Variants in GPC2 observed in about 807,000 individuals in gnomAD.
GPC2 encodes glypican 2.
In GPC2, 42 loss-of-function variants were observed where a neutral mutation model predicts 57.3. That is an observed-to-expected ratio of 0.73 (90% confidence interval 0.57 to 0.95). GPC2 has a LOEUF of 0.95. Among genes scored for constraint, GPC2 ranks in the 40% least tolerant of loss-of-function variants. The probability of loss-of-function intolerance (pLI) is 0.00; values close to 1 mark genes in which losing one functional copy is unlikely to be tolerated. For missense variants in GPC2, 745 were observed against 793.6 expected, an observed-to-expected ratio of 0.94 and a Z score of 0.74; for synonymous variants, 364 against 343.4, an observed-to-expected ratio of 1.06 and a Z score of -0.66.
Position 100,177,219 on chromosome 7 carries a change from C to G in GPC2, c.-20G>C. 1 of 1,603,768 alleles carries G rather than the reference C, an allele frequency of 6.2e-7. No homozygotes were observed. Among genetic ancestry groups the G allele is most frequent in the African/African-American group, 1.3e-5 (1 of 74,890 alleles). On this transcript the variant is annotated 5_prime_UTR_variant, in exon 1 of 10. Coordinates refer to ENST00000292377, the MANE Select transcript of GPC2 (RefSeq NM_152742.3). ...GGACATAACTGCAGCCACCCCAGGA[C>G]GGCAAAGTGGGTCCTAAGGAGGAAA...
chr7:100,173,306 C>T (rs1327461094), intron 5 of GPC2, among the ~76,000 whole-genome samples: 10 of 152,140 alleles, frequency 6.6e-5, no homozygotes, highest in Non-Finnish European at 1.0e-4. Context: ...CTTACTCTCT[C>T]GCCCAGGTTG....
rs1436815778 is a variant in GPC2, at chr7:100,170,307, C to T, written c.1663G>A (p.Gly555Arg). ...TGGGTGTGAAAACCAATAGATGCCC[C>T]CCCACTCCTGCTCCGGCCCTGGTTG... ...RYNQGRSRSG[G>R]ASIGFHTQTI... Residue 555 changes from glycine (G) to arginine (R), a missense_variant, in exon 10 of 10, where the codon GGG becomes AGG. By Grantham distance (125) the Gly-to-Arg change is moderately radical. Transcript: ENST00000292377. The T allele has an allele frequency of 6.2e-7, 1 of 1,608,930 alleles. No individual in the cohort carries two copies. The highest frequency in any genetic ancestry group is 8.5e-7 in the Non-Finnish European group (1 of 1,177,836).
At position 100,171,710 on chromosome 7, in the gene GPC2, G is replaced by A. The variant is rs1358041746; in HGVS notation, c.1171-32C>T. On this transcript the variant is annotated intron_variant, in intron 7 of 9. Coordinates refer to ENST00000292377, the MANE Select transcript of GPC2 (RefSeq NM_152742.3). This position sits in a 1 kb window ranked among gnomAD's most constrained non-coding sequence, Gnocchi z 4.8. ...GGGCGAGAGGGGGCGGGGCGAGCTG[G>A]AGCGCGACCCCCACAACCATCCCCG... 6.8e-7 allele frequency: 1 copy of A among 1,478,738 alleles called. No individual in the cohort carries two copies. The highest frequency in any genetic ancestry group is 2.7e-5 in the East Asian group (1 of 36,896). 91.6% of individuals were successfully genotyped at this position (1,478,738 alleles called of 1,614,324 possible).
At chr7:100,174,278 G>A (rs1799232785) in intron 4 of GPC2, 2 of 519,434 alleles carry the variant, frequency 3.9e-6, no homozygotes, top group Non-Finnish European at 6.9e-6. Flanking sequence ...AGGCGGTCAG[G>A]AGGCAGAAGG....
chr7:100,172,697 ACG>A (rs1799201203), intron 5 of GPC2, among the ~76,000 whole-genome samples: 2 of 141,872 alleles, frequency 1.4e-5, no homozygotes, highest in East Asian at 2.0e-4. Context: ...ATATATATAT[ACG>A]TGTATATATA....
intron 9 of GPC2, among the ~76,000 whole-genome samples, chr7:100,170,765 G>GA (rs1374195217): frequency 1.3e-5 from 2 of 151,414 alleles, no homozygotes; most frequent in Admixed American, 6.6e-5. Flanking sequence ...AGGATAACAG[G>GA]AAAAAACAGA....
rs754042276 is a variant in GPC2 at position 100,175,774 on chromosome 7, C to G, written c.446G>C (p.Arg149Pro). Residue 149 changes from arginine (R) to proline (P), a missense_variant, in exon 3 of 10, where the codon CGA (arginine) becomes CCA (proline). Physicochemically the swap from Arg to Pro is moderately radical, Grantham distance 103. Coordinates refer to ENST00000292377, the MANE Select transcript of GPC2 (RefSeq NM_152742.3). Reference protein sequence around the residue: ...LIFNGLFSRLRDFYGESGEGL... With the variant: ...LIFNGLFSRLPDFYGESGEGL... ...CTCACCAGATTCCCCATAGAAGTCT[C>G]GCAGCCGAGAGAACAGGCCATTGAA... 1.2e-6 allele frequency: 2 copies of G among 1,613,962 alleles called. No homozygotes were observed. The highest frequency in any genetic ancestry group is 8.5e-7 in the Non-Finnish European group (1 of 1,180,028).
At position 100,177,324 on chromosome 7, in the gene GPC2, A is replaced by C; in HGVS notation, c.-125T>G. 1.3e-6 allele frequency: 1 copy of C among 787,246 alleles called. No homozygotes were observed. Among genetic ancestry groups the C allele is most frequent in the Non-Finnish European group, 1.9e-6 (1 of 517,166 alleles). 48.8% of individuals were successfully genotyped at this position (787,246 alleles called of 1,614,324 possible). A position where few individuals can be genotyped will look rare whatever the true frequency, so the allele number is the denominator to read the frequency against. On this transcript the variant is annotated 5_prime_UTR_variant, in exon 1 of 10. Transcript: ENST00000292377. ...GCCAGAGAAAGAGCGCTGCTCCGGA[A>C]AACTGAATACCGAGCACGATAGCTG...
intron 5 of GPC2, chr7:100,173,587 T>G: frequency 2.8e-5 from 7 of 250,186 alleles, no homozygotes; most frequent in African/African-American, 6.9e-5. Context: ...GCTGATTTCT[T>G]TCTTTTCTTT....
chr7:100,171,601 A>G lies in GPC2; in HGVS notation c.1248T>C (p.Ser416=). 3 of 1,526,232 alleles carry G rather than the reference A, an allele frequency of 2.0e-6. No homozygotes were observed. In the East Asian group the frequency reaches 8.0e-5, roughly 41 times the overall value. 94.5% of individuals were successfully genotyped at this position (1,526,232 alleles called of 1,614,324 possible). Residue 416 remains serine, a synonymous_variant, in exon 8 of 10, where the codon TCT becomes TCC. Coordinates refer to ENST00000292377, the MANE Select transcript of GPC2 (RefSeq NM_152742.3). The surrounding 1 kb of genome is among the most constrained non-coding windows in gnomAD (Gnocchi z 4.8). Reference sequence around the variant, plus strand: ...CCAGCGAGGCGTCCGCTGCCATGCGAGAGTCTCCGCACACCGTCAGGGACA... The same window carrying G: ...CCAGCGAGGCGTCCGCTGCCATGCGGGAGTCTCCGCACACCGTCAGGGACA... The part of the protein sequence containing the change: ...ARLSLTVCGD[S]RMAADASLEA...
chr7:100,174,208 G>C (rs1799231244), intron 4 of GPC2: 1 of 526,426 alleles, frequency 1.9e-6, no homozygotes, highest in South Asian at 2.7e-5. Flanking sequence ...TAGAGAGGCA[G>C]TTAGGGGTGG....
At position 100,171,449 on chromosome 7, in the gene GPC2, C is replaced by A. The variant is rs1227341843; in HGVS notation, c.1311-13G>T. ...TGGCGGCAAGTACCTGCGAGCAGAGCAGCCCCGAAGCGCCAGCTAGCGCGC... is the reference window on the plus strand; with the variant it reads ...TGGCGGCAAGTACCTGCGAGCAGAGAAGCCCCGAAGCGCCAGCTAGCGCGC... On this transcript the variant is annotated splice_polypyrimidine_tract_variant and intron_variant, in intron 8 of 9. Coordinates refer to ENST00000292377, the MANE Select transcript of GPC2 (RefSeq NM_152742.3). This position sits in a 1 kb window ranked among gnomAD's most constrained non-coding sequence, Gnocchi z 4.8. 1.4e-6 allele frequency: 2 copies of A among 1,397,032 alleles called. No homozygotes were observed. The highest frequency in any genetic ancestry group is 6.1e-5 in the East Asian group (2 of 32,848). The allele number at this position is 1,397,032 out of a possible 1,614,324, so 86.5% of individuals were successfully genotyped here.
chr7:100,172,753 A>ATATATGTGTGTATG, intron 5 of GPC2, among the ~76,000 whole-genome samples: 1 of 147,612 alleles, frequency 6.8e-6, no homozygotes, highest in Non-Finnish European at 1.5e-5. Context: ...ATGTGTGTAT[A>ATATATGTGTGTATG]TATATGTGTG....
In GPC2 at chr7:100,170,213, A is replaced by AGCACCAGAAGGGGGGGGG; in HGVS notation, c.*16_*17insCCCCCCCCCTTCTGGTGC. The AGCACCAGAAGGGGGGGGG allele has an allele frequency of 2.0e-6, 3 of 1,538,220 alleles. No homozygotes were observed. The highest frequency in any genetic ancestry group is 2.6e-6 in the Non-Finnish European group (3 of 1,139,536). On this transcript the variant is annotated 3_prime_UTR_variant, in exon 10 of 10. Transcript: ENST00000292377. ...AAGGGCCATGAACCCTTCTGATGCT[A>AGCACCAGAAGGGGGGGGG]GGGCACCCCTCCCCCGTTATCGAGG...
At chr7:100,170,737 A>G (rs1324893672) in intron 9 of GPC2, among the ~76,000 whole-genome samples, 3 of 151,994 alleles carry the variant, frequency 2.0e-5, no homozygotes, top group African/African-American at 7.3e-5. Flanking sequence ...AAAAAACAAA[A>G]CAGGCAGATG....
Position 100,171,803 on chromosome 7 carries a change from G to A in GPC2, c.1146C>T (p.Ala382=), listed in dbSNP as rs749400209. The change falls in exon 7 of 10, where the codon GCC becomes GCT. Residue 382 remains alanine, a synonymous_variant. Transcript: ENST00000292377. This position sits in a 1 kb window ranked among gnomAD's most constrained non-coding sequence, Gnocchi z 4.8. ...CCAGCCGGTGCAGGTTGGTGCCTGC[G>A]GCCGTCGTGGGCCGCTCCTCCTCGG... is the stretch of plus-strand genomic sequence containing the variant. The part of the protein sequence containing the change: ...MVTEEERPTT[A]AGTNLHRLVW... The A allele has an allele frequency of 1.3e-6, 2 of 1,568,826 alleles. No individual in the cohort carries two copies. The highest frequency in any genetic ancestry group is 3.5e-5 in the Admixed American group (2 of 56,394).
chr7:100,171,470 C>T lies in GPC2; in HGVS notation c.1311-34G>A, dbSNP rs963989646. On this transcript the variant is annotated intron_variant, in intron 8 of 9. Transcript: ENST00000292377. The surrounding 1 kb of genome is among the most constrained non-coding windows in gnomAD (Gnocchi z 4.8). ...AGAGCAGCCCCGAAGCGCCAGCTAG[C>T]GCGCGCGGCCCCGCCCCTCCCGGCC... is the stretch of plus-strand genomic sequence containing the variant. 2.2e-6 allele frequency: 3 copies of T among 1,352,606 alleles called. No homozygotes were observed. The highest frequency in any genetic ancestry group is 3.1e-5 in the African/African-American group (2 of 65,008). The allele number at this position is 1,352,606 out of a possible 1,614,324, so 83.8% of individuals were successfully genotyped here.
Position 100,177,095 on chromosome 7 carries a change from G to C in GPC2, c.105C>G (p.Thr35=). The part of the protein sequence containing the change: ...EAKVTRSCAE[T]RQVLGARGYS... ...ATCCCCGGGCCCCCAGCACCTGCCG[G>C]GTCTCTGCACAACTCCGGGTGACCT... Residue 35 remains threonine, a synonymous_variant, in exon 1 of 10, where the codon ACC becomes ACG. Coordinates refer to ENST00000292377, the MANE Select transcript of GPC2 (RefSeq NM_152742.3). The C allele has an allele frequency of 6.2e-7, 1 of 1,613,006 alleles. No homozygotes were observed. Among genetic ancestry groups the C allele is most frequent in the South Asian group, 1.1e-5 (1 of 90,870 alleles).
chr7:100,174,268 A>G, intron 4 of GPC2: 1 of 516,422 alleles, frequency 1.9e-6, no homozygotes, highest in Non-Finnish European at 3.5e-6. Flanking sequence ...GGGAGGGAGG[A>G]GGCGGTCAGG....
Sources: gnomAD v4.1 joint callset for allele counts (sites outside exome capture counted in the v4.1 genomes callset) on GRCh38, gnomAD v4.1.1 for gene constraint, Gnocchi (gnomAD v3.1) non-coding constraint, MANE v1.5 for transcripts, NCBI Gene and HGNC (gene_info 2026-07-23, HGNC 2026-07-21) for gene names.